The following AMD1 variants were observed in gnomAD, a reference collection of about 807,000 sequenced individuals.
AMD1 encodes adenosylmethionine decarboxylase 1.
AMD1 carries 11 observed loss-of-function variants against 40.2 expected under a neutral mutation model. The observed-to-expected ratio is 0.27, with a 90% CI of 0.17 to 0.45. The LOEUF (loss-of-function observed/expected upper bound fraction) is 0.45, where lower values mean the gene tolerates loss of function less well. AMD1 is among the 20% of genes least tolerant of loss of function. The pLI, the probability that AMD1 is intolerant of heterozygous loss-of-function variation, is 1.00. For synonymous variants in AMD1, 121 were observed against 130.8 expected (o/e 0.93, Z 0.51); for missense variants, 257 against 410.2 (o/e 0.63, Z 3.23).
chr6:110,826,165 TAAAAA>T, the AMD1 span, among the ~76,000 whole-genome samples: 4 of 94,330 alleles, frequency 4.2e-5, no homozygotes, highest in African/African-American at 1.6e-4. Context: ...CCTGTCTCAT[TAAAAA>T]AAAAAAAAAA....
At chr6:110,867,014 C>T in the AMD1 span, among the ~76,000 whole-genome samples, 7 of 151,916 alleles carry the variant, frequency 4.6e-5, no homozygotes, top group East Asian at 1.9e-4. Flanking sequence ...GGGGTTTCAC[C>T]GTGTTAGCCA....
chr6:110,856,703 C>G, the AMD1 span, among the ~76,000 whole-genome samples: 1 of 152,112 alleles, frequency 6.6e-6, no homozygotes, highest in Non-Finnish European at 1.5e-5. Context: ...TCCTAGACAC[C>G]AAATAGGCTG....
Position 110,893,076 on chromosome 6 carries a change from A to G in AMD1, c.864+11A>G. 4.4e-6 allele frequency: 7 copies of G among 1,580,590 alleles called. No homozygotes were observed. The highest frequency in any genetic ancestry group is 5.1e-6 in the Non-Finnish European group (6 of 1,166,046). On this transcript the variant is annotated intron_variant, in intron 8 of 8. Transcript: ENST00000368885. ...TTGTTTGTTAATCAGGTAATTTTATATTTTATTATTAATCAGGTTATTTGA... is the reference window on the plus strand; with the variant it reads ...TTGTTTGTTAATCAGGTAATTTTATGTTTTATTATTAATCAGGTTATTTGA...
intron 1 of AMD1, among the ~76,000 whole-genome samples, chr6:110,882,128 T>A (rs1000126302): frequency 1.3e-5 from 2 of 152,216 alleles, no homozygotes; most frequent in Admixed American, 6.5e-5. Context: ...CATTCTAGCT[T>A]AATACTATCT....
the AMD1 span, chr6:110,858,213 C>A: frequency 1.8e-5 from 14 of 760,682 alleles, no homozygotes; most frequent in East Asian, 2.8e-5. Flanking sequence ...TCGTCCCATC[C>A]CATCCTGCCG....
At chr6:110,823,431 A>G in the AMD1 span, among the ~76,000 whole-genome samples, 1 of 152,220 alleles carries the variant, frequency 6.6e-6, no homozygotes, top group East Asian at 1.9e-4. Context: ...AGAGAAAGTC[A>G]GACTATCTCT....
intron 1 of AMD1, among the ~76,000 whole-genome samples, chr6:110,878,520 C>T (rs1785230256): frequency 6.6e-6 from 1 of 152,124 alleles, no homozygotes; most frequent in Admixed American, 6.5e-5. Context: ...AAGCAGCAGT[C>T]CAGGTATATC....
chr6:110,834,359 T>A, the AMD1 span, among the ~76,000 whole-genome samples: 1 of 145,854 alleles, frequency 6.9e-6, no homozygotes, highest in East Asian at 1.9e-4. Flanking sequence ...ATAATAATAT[T>A]CTAGCATGTT....
chr6:110,827,823 T>C, the AMD1 span, among the ~76,000 whole-genome samples: 2 of 152,058 alleles, frequency 1.3e-5, no homozygotes, highest in Non-Finnish European at 2.9e-5. Context: ...CTCCATCTTT[T>C]AGTGGTATTA....
At chr6:110,824,109 C>A in the AMD1 span, among the ~76,000 whole-genome samples, 1 of 152,162 alleles carries the variant, frequency 6.6e-6, no homozygotes, top group African/African-American at 2.4e-5. Flanking sequence ...CAAAAAGACA[C>A]CTGCATGCCT....
At chr6:110,860,862 C>G in the AMD1 span, among the ~76,000 whole-genome samples, 1 of 149,784 alleles carries the variant, frequency 6.7e-6, no homozygotes, top group Non-Finnish European at 1.5e-5. Flanking sequence ...CACACACACA[C>G]ACACACACAG....
Position 110,895,551 on chromosome 6 carries a change from T to C in AMD1, c.*1935T>C, listed in dbSNP as rs1368338146. ...TGGGACAAAGCCTAGAAAAGAGAAA[T>C]GTAGTTTGAATCATAATCTAAATCA... is the stretch of plus-strand genomic sequence containing the variant. On this transcript the variant is annotated 3_prime_UTR_variant, in exon 9 of 9. Coordinates refer to ENST00000368885, the MANE Select transcript of AMD1 (RefSeq NM_001634.6). 2 of 152,596 alleles carry C rather than the reference T, an allele frequency of 1.3e-5. No homozygotes were observed. The highest frequency in any genetic ancestry group is 2.9e-5 in the Non-Finnish European group (2 of 68,036). The allele number at this position is 152,596 out of a possible 1,614,324, so 9.5% of individuals were successfully genotyped here.
At chr6:110,877,398 C>G (rs1036322289) in intron 1 of AMD1, among the ~76,000 whole-genome samples, 1 of 152,214 alleles carries the variant, frequency 6.6e-6, no homozygotes, top group Admixed American at 6.5e-5. Context: ...GTAGGTGTTC[C>G]TTGAATCACC....
chr6:110,844,271 T>C, the AMD1 span, among the ~76,000 whole-genome samples: 1 of 151,634 alleles, frequency 6.6e-6, no homozygotes, highest in Non-Finnish European at 1.5e-5. Context: ...TAATCTTTTT[T>C]TTTTTTTGAC....
At chr6:110,830,030 T>TTTG in the AMD1 span, among the ~76,000 whole-genome samples, 6 of 151,498 alleles carry the variant, frequency 4.0e-5, no homozygotes, top group Non-Finnish European at 7.4e-5. Flanking sequence ...TTGTTTGTTT[T>TTTG]TTTGAGACAG....
At chr6:110,831,346 G>A in the AMD1 span, among the ~76,000 whole-genome samples, 3 of 151,926 alleles carry the variant, frequency 2.0e-5, no homozygotes, top group Non-Finnish European at 4.4e-5. Flanking sequence ...GGCTGAGGCA[G>A]GAGAATGGCT....
intron 1 of AMD1, among the ~76,000 whole-genome samples, chr6:110,875,949 T>G (rs1292959232): frequency 6.6e-6 from 1 of 152,064 alleles, no homozygotes; most frequent in East Asian, 1.9e-4. Flanking sequence ...CTGAGGCCGC[T>G]GGGGGCTGCT....
chr6:110,835,280 A>C, the AMD1 span, among the ~76,000 whole-genome samples: 1 of 151,840 alleles, frequency 6.6e-6, no homozygotes, highest in African/African-American at 2.4e-5. Context: ...AGCCTCCCAA[A>C]GTGCTGGGAT....
At chr6:110,830,590 G>A in the AMD1 span, among the ~76,000 whole-genome samples, 1 of 152,182 alleles carries the variant, frequency 6.6e-6, no homozygotes, top group Non-Finnish European at 1.5e-5. Context: ...GTATAAATAT[G>A]ACTGCAGAAC....
Sources: allele counts gnomAD v4.1 joint callset (sites outside exome capture counted in the v4.1 genomes callset), GRCh38; gene constraint gnomAD v4.1.1; transcripts MANE v1.5; gene names NCBI Gene and HGNC (gene_info 2026-07-23, HGNC 2026-07-21).